Variants in PLEKHH2 observed in about 807,000 individuals in gnomAD.
The protein encoded by PLEKHH2 is pleckstrin homology domain-containing family H member 2.
PLEKHH2 carries 129 observed loss-of-function variants against 187.9 expected under a neutral mutation model. The observed-to-expected ratio is 0.69, with a 90% CI of 0.59 to 0.79. The LOEUF (loss-of-function observed/expected upper bound fraction) is 0.79. PLEKHH2 is among the 30% of genes least tolerant of loss of function. PLEKHH2 has a pLI of 0.00. For missense variants in PLEKHH2, 2,076 were observed against 1,751.2 expected, an observed-to-expected ratio of 1.19 and a Z score of -3.31; for synonymous variants, 686 against 605.6, an observed-to-expected ratio of 1.13 and a Z score of -1.95.
intron 2 of PLEKHH2, among the ~76,000 whole-genome samples, chr2:43,676,927 C>T (rs984504164): frequency 1.3e-5 from 2 of 152,098 alleles, no homozygotes; most frequent in African/African-American, 4.8e-5. Flanking sequence ...TTTGATCAAG[C>T]GGTCAAATAG....
At chr2:43,668,946 G>T (rs539716417) in intron 2 of PLEKHH2, among the ~76,000 whole-genome samples, 1 of 152,342 alleles carries the variant, frequency 6.6e-6, no homozygotes, top group Non-Finnish European at 1.5e-5. Context: ...GAAGGGAAAA[G>T]GTGGTAACTG....
chr2:43,703,790 AAAATCTC>A (rs1669507070), intron 8 of PLEKHH2, among the ~76,000 whole-genome samples, 184 bp from the exon 9 acceptor site: 2 of 152,332 alleles, frequency 1.3e-5, no homozygotes, highest in South Asian at 4.1e-4. Context: ...CAGATGGAGA[AAAATCTC>A]AACAGTACTA....
intron 1 of PLEKHH2, among the ~76,000 whole-genome samples, chr2:43,642,667 A>C (rs1666000577): frequency 6.6e-6 from 1 of 151,998 alleles, no homozygotes; most frequent in Non-Finnish European, 1.5e-5. Context: ...TTTTATCATG[A>C]AGGGGTGTTG....
At chr2:43,641,891 C>T (rs1351215578) in intron 1 of PLEKHH2, among the ~76,000 whole-genome samples, 2 of 152,174 alleles carry the variant, frequency 1.3e-5, no homozygotes, top group African/African-American at 4.8e-5. Context: ...TACTGTATAG[C>T]TTTGTAGTAA....
At chr2:43,698,526 G>A (rs991640616) in intron 7 of PLEKHH2, among the ~76,000 whole-genome samples, 3 of 152,156 alleles carry the variant, frequency 2.0e-5, no homozygotes, top group Non-Finnish European at 2.9e-5. Flanking sequence ...TGGATTTACC[G>A]GTGTGAGCCA....
At position 43,740,969 on chromosome 2, in the gene PLEKHH2, C is replaced by T. The variant is rs200249383; in HGVS notation, c.3147C>T (p.Cys1049=). The change falls in exon 21 of 30, where the codon TGC becomes TGT. Residue 1049 remains cysteine (C), a synonymous_variant. Coordinates refer to ENST00000282406, the MANE Select transcript of PLEKHH2 (RefSeq NM_172069.4). ...AGGGCTGGCAGCTCTTGGCACTCTG[C>T]GTTGGGCTCTTCCTTCCCCATCATC... ...PLQGWQLLAL[C]VGLFLPHHPF... is the part of the protein sequence containing the mutation. 190 of 1,613,814 alleles carry T rather than the reference C, an allele frequency of 1.2e-4. No individual in the cohort carries two copies. The highest frequency in any genetic ancestry group is 9.0e-5 in the Non-Finnish European group (106 of 1,179,908).
intron 27 of PLEKHH2, 84 bp downstream of exon 27, chr2:43,759,113 G>A: frequency 2.8e-6 from 4 of 1,439,042 alleles, no homozygotes; most frequent in Non-Finnish European, 3.7e-6. Flanking sequence ...AGTATCCTTG[G>A]CTTTTGTAAA....
At chr2:43,725,533 A>G (rs1416796977) in intron 16 of PLEKHH2, among the ~76,000 whole-genome samples, 1 of 152,176 alleles carries the variant, frequency 6.6e-6, no homozygotes, top group Non-Finnish European at 1.5e-5. Context: ...CTGGGGTTAG[A>G]AAAGGAGCTA....
At chr2:43,642,081 C>T (rs1458954735) in intron 1 of PLEKHH2, among the ~76,000 whole-genome samples, 1 of 152,178 alleles carries the variant, frequency 6.6e-6, no homozygotes, top group African/African-American at 2.4e-5. Context: ...GCCATCTTCA[C>T]AATATTAAGT....
rs140595043 is a variant in PLEKHH2, at chr2:43,638,989, A to G, written c.-4+1610A>G. 3.7e-3 allele frequency among the ~76,000 whole-genome samples: 564 copies of G among 152,332 alleles called. 2 individuals are homozygous for G. Among genetic ancestry groups the G allele is most frequent in the African/African-American group, 0.013 (529 of 41,576 alleles). On this transcript the variant is annotated intron_variant, in intron 1 of 29. Coordinates refer to ENST00000282406, the MANE Select transcript of PLEKHH2 (RefSeq NM_172069.4). ...GCTTTGCTACTTCACTATAAAATATATAATTAGCATAACTAAAGAAATAGG... is the reference window on the plus strand; with the variant it reads ...GCTTTGCTACTTCACTATAAAATATGTAATTAGCATAACTAAAGAAATAGG...
chr2:43,708,762 C>A (rs1469766595), intron 11 of PLEKHH2, among the ~76,000 whole-genome samples: 2 of 152,180 alleles, frequency 1.3e-5, no homozygotes, highest in Non-Finnish European at 2.9e-5. Flanking sequence ...ATTGCCCCTG[C>A]CTAACTCTTT....
At chr2:43,677,665 C>T (rs7602775) in intron 2 of PLEKHH2, among the ~76,000 whole-genome samples, 2,574 of 152,066 alleles carry the variant, frequency 0.017, 82 homozygotes, top group African/African-American at 0.059. Context: ...CATTTCTATT[C>T]CACAAAACCG....
intron 25 of PLEKHH2, 71 bp downstream of exon 25, chr2:43,753,831 A>G (rs1672099509): frequency 5.8e-6 from 7 of 1,212,488 alleles, no homozygotes; most frequent in East Asian, 2.7e-5. Context: ...AATTAAACGT[A>G]AAATAATATA....
At chr2:43,677,861 G>A (rs546871301) in intron 2 of PLEKHH2, among the ~76,000 whole-genome samples, 8 of 145,192 alleles carry the variant, frequency 5.5e-5, no homozygotes, top group East Asian at 2.0e-4. Flanking sequence ...CGGACGGGGC[G>A]GCTGGCCGGG....
At chr2:43,709,663 C>T (rs924743782) in intron 11 of PLEKHH2, among the ~76,000 whole-genome samples, 11 of 152,140 alleles carry the variant, frequency 7.2e-5, no homozygotes, top group Admixed American at 6.6e-5. Flanking sequence ...TGATGAAACC[C>T]CATCTCTACT....
Position 43,658,925 on chromosome 2 carries a change from T to G in PLEKHH2, c.123+14129T>G, listed in dbSNP as rs1354040623. 7 of 152,040 alleles carry G rather than the reference T, an allele frequency of 4.6e-5. 1 individual carries two copies. The highest frequency in any genetic ancestry group is 1.7e-4 in the African/African-American group (7 of 41,406). 9.4% of individuals were successfully genotyped at this position (152,040 alleles called of 1,614,324 possible). ...CTACTGAACCATCTATTGAGTTTTT[T>G]CTTTCAGTGACTATGTATTTCTAAA... On this transcript the variant is annotated intron_variant, in intron 2 of 29. Coordinates refer to ENST00000282406, the MANE Select transcript of PLEKHH2 (RefSeq NM_172069.4).
chr2:43,676,446 T>C (rs989160869), intron 2 of PLEKHH2: 78 of 687,646 alleles, frequency 1.1e-4, no homozygotes, highest in Non-Finnish European at 1.5e-4. Flanking sequence ...GGGAGGTCGC[T>C]TCTCGGTGGC....
intron 2 of PLEKHH2, among the ~76,000 whole-genome samples, chr2:43,669,870 G>T (rs1267341320): frequency 6.6e-6 from 1 of 152,002 alleles, no homozygotes; most frequent in Non-Finnish European, 1.5e-5. Flanking sequence ...AGATCAAAAG[G>T]ATTTGAAACA....
intron 11 of PLEKHH2, among the ~76,000 whole-genome samples, chr2:43,707,980 A>G (rs1208622756): frequency 6.6e-6 from 1 of 152,160 alleles, no homozygotes; most frequent in African/African-American, 2.4e-5. Context: ...TTTTTAGTGG[A>G]TTTTGAAGAC....
Sources: allele counts gnomAD v4.1 joint callset (sites outside exome capture counted in the v4.1 genomes callset), GRCh38; gene constraint gnomAD v4.1.1; transcripts MANE v1.5; gene names NCBI Gene and HGNC (gene_info 2026-07-23, HGNC 2026-07-21).